Variants in TMEM184C observed in about 807,000 individuals in gnomAD.
TMEM184C encodes transmembrane protein 184C.
In TMEM184C, 25 loss-of-function variants were observed where a neutral mutation model predicts 54.5. That is an observed-to-expected ratio of 0.46 (90% CI 0.33 to 0.64). The LOEUF (loss-of-function observed/expected upper bound fraction) is 0.64, where lower values mean the gene tolerates loss of function less well. Ranked by LOEUF, TMEM184C falls within the 30% of genes least tolerant of loss-of-function variation. The pLI is 0.02. For synonymous variants in TMEM184C, 148 were observed against 181.5 expected, an observed-to-expected ratio of 0.82 and a Z score of 1.49; for missense variants, 335 against 520.3, an observed-to-expected ratio of 0.64 and a Z score of 3.46.
chr4:147,633,712 C>G, intron 8 of TMEM184C, 53 bp from the exon 9 acceptor site: 1 of 1,448,776 alleles, frequency 6.9e-7, no homozygotes, highest in East Asian at 2.4e-5. Flanking sequence ...TAGCACTCTA[C>G]AAACCTAGAT....
Position 147,618,016 on chromosome 4 carries a change from C to T in TMEM184C, c.60C>T (p.Val20=), listed in dbSNP as rs1216379087. 6.2e-7 allele frequency: 1 copy of T among 1,614,126 alleles called. No individual in the cohort carries two copies. The highest frequency in any genetic ancestry group is 1.1e-5 in the South Asian group (1 of 91,062). The change falls in exon 1 of 10, where the codon GTC becomes GTT. Residue 20 remains valine (V), a synonymous_variant. Coordinates refer to ENST00000296582, the MANE Select transcript of TMEM184C (RefSeq NM_018241.3). ...WRQWIRPLVA[V]IYLVSIVVAV... Reference sequence around the variant, plus strand: ...AGTGGATTCGACCTTTAGTAGCGGTCATCTACCTGGTGTCAATAGTGGTTG... The same window carrying T: ...AGTGGATTCGACCTTTAGTAGCGGTTATCTACCTGGTGTCAATAGTGGTTG...
intron 4 of TMEM184C, 80 bp downstream of exon 4, chr4:147,625,089 A>C (rs898017837): frequency 2.0e-5 from 27 of 1,331,546 alleles, no homozygotes; most frequent in Admixed American, 2.0e-4. Context: ...AGCTCTTTAC[A>C]AGGCAGTGCA....
At chr4:147,631,313 C>A in intron 6 of TMEM184C, 80 bp from the exon 7 acceptor site, 1 of 1,043,606 alleles carries the variant, frequency 9.6e-7, no homozygotes, top group Non-Finnish European at 1.4e-6. Context: ...TACTCTGTAC[C>A]AGGTCTCTGG....
chr4:147,621,989 C>CTTTT (rs148922114), intron 1 of TMEM184C, among the ~76,000 whole-genome samples: 3 of 142,208 alleles, frequency 2.1e-5, no homozygotes, highest in African/African-American at 2.6e-5. Flanking sequence ...TTTTTTCTTT[C>CTTTT]TTTTTTTTTT....
chr4:147,629,934 G>A (rs1274587356), intron 6 of TMEM184C, among the ~76,000 whole-genome samples: 2 of 151,188 alleles, frequency 1.3e-5, no homozygotes, highest in Non-Finnish European at 3.0e-5. Flanking sequence ...TGTTGACCAT[G>A]TTTGTTCATT....
At chr4:147,621,874 A>G (rs1657398066) in intron 1 of TMEM184C, among the ~76,000 whole-genome samples, 1 of 152,208 alleles carries the variant, frequency 6.6e-6, no homozygotes, top group Non-Finnish European at 1.5e-5. Context: ...CTTGACCTTC[A>G]TTAGTCACAA....
intron 1 of TMEM184C, among the ~76,000 whole-genome samples, chr4:147,620,560 G>C (rs1216178914): frequency 6.6e-6 from 1 of 152,194 alleles, no homozygotes; most frequent in African/African-American, 2.4e-5. Context: ...AGAGGTGTTG[G>C]GTGCCTGGGC....
At chr4:147,633,682 G>A in intron 8 of TMEM184C, 83 bp from the exon 9 acceptor site, 2 of 1,202,016 alleles carry the variant, frequency 1.7e-6, no homozygotes, top group Non-Finnish European at 2.2e-6. Context: ...TAGCACTTTT[G>A]AAAAGCAAGT....
At chr4:147,632,816 G>A (rs1732940728) in intron 7 of TMEM184C, 87 bp from the exon 8 acceptor site, 4 of 1,217,932 alleles carry the variant, frequency 3.3e-6, no homozygotes, top group Non-Finnish European at 4.7e-6. Context: ...AGGTTGCACT[G>A]GATTTTTTTT....
At chr4:147,622,198 C>T (rs902779743) in intron 1 of TMEM184C, among the ~76,000 whole-genome samples, 2 of 152,048 alleles carry the variant, frequency 1.3e-5, no homozygotes, top group East Asian at 1.9e-4. Context: ...CCTCCTCAGC[C>T]TCACAAAGTG....
Position 147,623,897 on chromosome 4 carries a change from T to G in TMEM184C, c.187T>G (p.Ser63Ala), listed in dbSNP as rs1212571950. ...GIFLLLTIPI[S>A]LWVILQHLVH... ...CTTTTTGCTGTTGACTATTCCTATATCACTGTGGGTGATATTGCAACACTT... is the reference window on the plus strand; with the variant it reads ...CTTTTTGCTGTTGACTATTCCTATAGCACTGTGGGTGATATTGCAACACTT... Residue 63 changes from serine (S) to alanine (A), a missense_variant, in exon 2 of 10, where the codon TCA (serine) becomes GCA (alanine). Ser to Ala is a moderately conservative substitution (Grantham distance 99). Coordinates refer to ENST00000296582, the MANE Select transcript of TMEM184C (RefSeq NM_018241.3). 6.2e-7 allele frequency: 1 copy of G among 1,614,050 alleles called. No individual in the cohort carries two copies. Among genetic ancestry groups the G allele is most frequent in the Non-Finnish European group, 8.5e-7 (1 of 1,179,938 alleles).
At chr4:147,632,114 G>A (rs570397598) in intron 7 of TMEM184C, among the ~76,000 whole-genome samples, 6 of 151,132 alleles carry the variant, frequency 4.0e-5, no homozygotes, top group African/African-American at 7.3e-5. Context: ...CAGAGGTTGC[G>A]GTGAGCCAAA....
intron 1 of TMEM184C, among the ~76,000 whole-genome samples, chr4:147,619,113 T>C (rs1246481374): frequency 6.6e-6 from 1 of 152,140 alleles, no homozygotes; most frequent in Admixed American, 6.5e-5. Flanking sequence ...AGGTGATCTG[T>C]CCTCGGCCTC....
intron 5 of TMEM184C, 22 bp downstream of exon 5, chr4:147,628,457 G>C: frequency 6.2e-7 from 1 of 1,604,008 alleles, no homozygotes; most frequent in East Asian, 2.2e-5. Context: ...GATTTTATAT[G>C]AACTTTTTTT....
At chr4:147,621,843 C>T (rs1449944997) in intron 1 of TMEM184C, among the ~76,000 whole-genome samples, 3 of 152,138 alleles carry the variant, frequency 2.0e-5, no homozygotes, top group Admixed American at 1.3e-4. Context: ...CAACTTTCTT[C>T]TTTATAGCAC....
At position 147,625,304 on chromosome 4, in the gene TMEM184C, G is replaced by T. The variant is rs565004763; in HGVS notation, c.497+295G>T. On this transcript the variant is annotated intron_variant, in intron 4 of 9. Coordinates refer to ENST00000296582, the MANE Select transcript of TMEM184C (RefSeq NM_018241.3). ...CTTTTGCAGTTGAGAACCAAGGTCT[G>T]CAGATCTTATGTAAGAACACACAGC... 2.6e-4 allele frequency among the ~76,000 whole-genome samples: 39 copies of T among 152,296 alleles called. 1 individual carries two copies. The South Asian group carries it at 6.2e-3, about 24-fold the overall frequency.
intron 9 of TMEM184C, 63 bp from the exon 10 acceptor site, chr4:147,634,106 T>G (rs533117534): frequency 2.6e-5 from 41 of 1,554,344 alleles, no homozygotes; most frequent in Admixed American, 9.4e-5. Context: ...GAGCTTATTT[T>G]TAGAATGGTA....
At chr4:147,633,732 A>T (rs1476122039) in intron 8 of TMEM184C, 33 bp from the exon 9 acceptor site, 2 of 1,493,904 alleles carry the variant, frequency 1.3e-6, no homozygotes. Flanking sequence ...TTTAAATCCA[A>T]AGGTGGCTGT....
At chr4:147,622,376 G>T (rs907472902) in intron 1 of TMEM184C, among the ~76,000 whole-genome samples, 1 of 152,054 alleles carries the variant, frequency 6.6e-6, no homozygotes, top group Non-Finnish European at 1.5e-5. Flanking sequence ...AATATTAAAT[G>T]AAAAATTTCA....
Sources: allele counts gnomAD v4.1 joint callset (sites outside exome capture counted in the v4.1 genomes callset), GRCh38; gene constraint gnomAD v4.1.1; transcripts MANE v1.5; gene names NCBI Gene and HGNC (gene_info 2026-07-23, HGNC 2026-07-21).